The following NBAS variants were observed in gnomAD, a reference collection of about 807,000 sequenced individuals.
The protein encoded by NBAS is NAG/BC035112 fusion.
In NBAS, 219 loss-of-function variants were observed where a neutral mutation model predicts 302.5. That is an observed-to-expected ratio of 0.72 (90% CI 0.65 to 0.81). NBAS has a LOEUF of 0.81. Ranked by LOEUF, NBAS falls within the 30% of genes least tolerant of loss-of-function variation. The pLI, the probability that NBAS is intolerant of heterozygous loss-of-function variation, is 0.00. For missense variants in NBAS, 2,932 were observed against 2,841.6 expected (o/e 1.03, Z -0.72); for synonymous variants, 1,118 against 1,021.6 (o/e 1.09, Z -1.80).
chr2:15,046,705 A>T, the NBAS span, among the ~76,000 whole-genome samples: 3 of 152,214 alleles, frequency 2.0e-5, no homozygotes, highest in Non-Finnish European at 1.5e-5. Flanking sequence ...AGTTGCAGGC[A>T]GCGGGGAAAA....
chr2:15,511,540 A>G (rs1662146528), intron 9 of NBAS, among the ~76,000 whole-genome samples, 190 bp from the exon 10 acceptor site: 1 of 152,214 alleles, frequency 6.6e-6, no homozygotes. Flanking sequence ...TTAGAATTTC[A>G]CCATATACTA....
the NBAS span, among the ~76,000 whole-genome samples, chr2:15,076,317 G>A: frequency 6.6e-6 from 1 of 152,354 alleles, no homozygotes; most frequent in African/African-American, 2.4e-5. Flanking sequence ...CCGTTGAGCA[G>A]AATAGGACCT....
At chr2:15,309,098 T>A in intron 39 of NBAS, 73 bp downstream of exon 39, 1 of 1,216,200 alleles carries the variant, frequency 8.2e-7, no homozygotes, top group Non-Finnish European at 1.2e-6. Context: ...TAAACAATTT[T>A]ACCGATGAAA....
At chr2:15,058,171 T>C in the NBAS span, among the ~76,000 whole-genome samples, 1 of 152,224 alleles carries the variant, frequency 6.6e-6, no homozygotes, top group Non-Finnish European at 1.5e-5. Context: ...TTTAAAATCA[T>C]ATGAATCGAT....
chr2:15,391,188 C>T (rs896627029), intron 28 of NBAS, among the ~76,000 whole-genome samples: 2 of 151,640 alleles, frequency 1.3e-5, no homozygotes, highest in African/African-American at 4.8e-5. Flanking sequence ...AAAACCTATC[C>T]AGATATTAGA....
chr2:15,157,787 C>T, the NBAS span, among the ~76,000 whole-genome samples: 34 of 152,164 alleles, frequency 2.2e-4, 1 homozygote, highest in African/African-American at 7.0e-4. Flanking sequence ...TGGAAATGCC[C>T]GGCTCTCATT....
chr2:15,228,763 G>T (rs1463853286), intron 47 of NBAS, among the ~76,000 whole-genome samples: 1 of 152,182 alleles, frequency 6.6e-6, no homozygotes, highest in South Asian at 2.1e-4. Flanking sequence ...CTCATATGTG[G>T]AATCTAAAAG....
At chr2:15,048,814 C>T in the NBAS span, among the ~76,000 whole-genome samples, 1 of 152,358 alleles carries the variant, frequency 6.6e-6, no homozygotes, top group African/African-American at 2.4e-5. Context: ...CTGTCCTGCA[C>T]ATGCGGGCTC....
intron 46 of NBAS, 90 bp downstream of exon 46, chr2:15,234,455 A>C (rs1230534386): frequency 1.5e-6 from 2 of 1,351,538 alleles, no homozygotes; most frequent in Non-Finnish European, 2.1e-6. Flanking sequence ...CAAAACTTAT[A>C]AAATGCTTTT....
At chr2:14,859,211 C>T in the NBAS span, among the ~76,000 whole-genome samples, 3 of 151,898 alleles carry the variant, frequency 2.0e-5, no homozygotes, top group Non-Finnish European at 4.4e-5. Context: ...GAAAGATATT[C>T]CATGCTCATG....
the NBAS span, among the ~76,000 whole-genome samples, chr2:15,037,762 G>C: frequency 1.3e-5 from 2 of 152,096 alleles, no homozygotes; most frequent in African/African-American, 4.8e-5. Context: ...CACACTCTTT[G>C]ATCCTCTTTT....
At chr2:15,250,869 A>T (rs564532564) in intron 44 of NBAS, among the ~76,000 whole-genome samples, 1 of 152,332 alleles carries the variant, frequency 6.6e-6, no homozygotes, top group African/African-American at 2.4e-5. Context: ...TGGGAGTGTA[A>T]ATTAGTTCGA....
downstream of NBAS, among the ~76,000 whole-genome samples, chr2:15,164,834 C>T (rs553612297): frequency 6.6e-6 from 1 of 152,172 alleles, no homozygotes; most frequent in Non-Finnish European, 1.5e-5. Context: ...TCTCTTCCCC[C>T]CTCCCCGCCG....
intron 30 of NBAS, among the ~76,000 whole-genome samples, chr2:15,377,965 G>T (rs1674827923): frequency 6.6e-6 from 1 of 152,100 alleles, no homozygotes; most frequent in African/African-American, 2.4e-5. Context: ...ATCTCTTATA[G>T]ACTGTTAACC....
chr2:14,963,226 A>C, the NBAS span, among the ~76,000 whole-genome samples: 124,808 of 152,066 alleles, frequency 0.82, 51,438 homozygotes, highest in African/African-American at 0.89. Flanking sequence ...CAAGATCGCG[A>C]CCCAGCACTC....
intron 35 of NBAS, among the ~76,000 whole-genome samples, chr2:15,343,948 C>T (rs1038520170): frequency 6.4e-5 from 9 of 139,728 alleles, no homozygotes; most frequent in Admixed American, 2.8e-4. Context: ...AGAAAAAATA[C>T]TTTAAAATCA....
At chr2:14,888,038 A>G in the NBAS span, among the ~76,000 whole-genome samples, 81,128 of 152,074 alleles carry the variant, frequency 0.53, 24,003 homozygotes, top group African/African-American at 0.8. Flanking sequence ...TGAGCTCCCC[A>G]AGACAAGTGA....
At chr2:14,798,754 T>A in the NBAS span, among the ~76,000 whole-genome samples, 2 of 152,092 alleles carry the variant, frequency 1.3e-5, no homozygotes, top group African/African-American at 2.4e-5. Context: ...CTTAAAAAAA[T>A]ATATATGGCT....
chr2:15,271,882 TAG>T (rs1669340902), intron 44 of NBAS, among the ~76,000 whole-genome samples: 1 of 152,138 alleles, frequency 6.6e-6, no homozygotes, highest in South Asian at 2.1e-4. Context: ...TGACAAGCAA[TAG>T]AGGAGCAACT....
Sources: allele counts gnomAD v4.1 joint callset (sites outside exome capture counted in the v4.1 genomes callset), GRCh38; gene constraint gnomAD v4.1.1; transcripts MANE v1.5; gene names NCBI Gene and HGNC (gene_info 2026-07-23, HGNC 2026-07-21).